PTPRG: variants seen among roughly 807,000 people sequenced by gnomAD.
The protein encoded by PTPRG is receptor-type tyrosine-protein phosphatase gamma.
A neutral mutation model predicts 165.3 loss-of-function variants in PTPRG; 102 were observed. The observed-to-expected ratio is 0.62, with a 90% CI of 0.53 to 0.73. The LOEUF is 0.73. Among genes scored for constraint, PTPRG ranks in the 30% least tolerant of loss-of-function variants. PTPRG has a pLI of 0.00. For synonymous variants in PTPRG, 675 were observed against 669.5 expected, an observed-to-expected ratio of 1.01 and a Z score of -0.13; for missense variants, 1,866 against 1,861.4, an observed-to-expected ratio of 1.00 and a Z score of -0.05.
At chr3:62,189,211 C>T (rs959269023) in intron 8 of PTPRG, among the ~76,000 whole-genome samples, 2 of 152,066 alleles carry the variant, frequency 1.3e-5, no homozygotes, top group African/African-American at 2.4e-5. Flanking sequence ...CCCTTCCTTC[C>T]GTTTCTGTCG....
chr3:61,806,758 C>G (rs2035430993), intron 2 of PTPRG, among the ~76,000 whole-genome samples: 1 of 152,088 alleles, frequency 6.6e-6, no homozygotes, highest in African/African-American at 2.4e-5. Context: ...AAGAGTTTTG[C>G]CTATTAGAAG....
chr3:61,911,321 A>G (rs1220959681), intron 2 of PTPRG, among the ~76,000 whole-genome samples: 1 of 152,226 alleles, frequency 6.6e-6, no homozygotes, highest in Non-Finnish European at 1.5e-5. Flanking sequence ...CACCAGAGAC[A>G]TAGAAGTCCA....
chr3:61,816,992 T>TA (rs1427348463), intron 2 of PTPRG, among the ~76,000 whole-genome samples: 6 of 129,294 alleles, frequency 4.6e-5, no homozygotes, highest in Non-Finnish European at 9.4e-5. Context: ...ATATTATATA[T>TA]ATATTATATA....
At chr3:62,170,714 A>G (rs1356275850) in intron 8 of PTPRG, among the ~76,000 whole-genome samples, 1 of 152,170 alleles carries the variant, frequency 6.6e-6, no homozygotes, top group Non-Finnish European at 1.5e-5. Context: ...TGGGAATATT[A>G]AAATGTTTTC....
chr3:61,757,995 C>G (rs762275344), intron 2 of PTPRG, among the ~76,000 whole-genome samples: 2 of 152,206 alleles, frequency 1.3e-5, no homozygotes, highest in Non-Finnish European at 2.9e-5. Context: ...GTTTTCCTTT[C>G]TAACCTAACA....
chr3:61,595,368 T>A (rs1031575438), intron 1 of PTPRG, among the ~76,000 whole-genome samples: 1 of 152,196 alleles, frequency 6.6e-6, no homozygotes, highest in Non-Finnish European at 1.5e-5. Flanking sequence ...TTGACTGAAG[T>A]AAGACTCTGG....
chr3:61,687,592 A>G (rs1330675842), intron 1 of PTPRG, among the ~76,000 whole-genome samples: 2 of 152,220 alleles, frequency 1.3e-5, no homozygotes, highest in Non-Finnish European at 2.9e-5. Flanking sequence ...CAAAAAAAGG[A>G]GTTTTTAAAT....
intron 5 of PTPRG, among the ~76,000 whole-genome samples, chr3:62,098,737 T>A (rs902080588): frequency 2.0e-5 from 3 of 152,196 alleles, no homozygotes; most frequent in Non-Finnish European, 4.4e-5. Flanking sequence ...AGTGGACAGG[T>A]TCTGTGAATA....
intron 2 of PTPRG, among the ~76,000 whole-genome samples, chr3:61,880,410 A>G (rs915560668): frequency 7.9e-5 from 12 of 152,188 alleles, no homozygotes; most frequent in African/African-American, 2.9e-4. Flanking sequence ...GCTTGAGCTC[A>G]GGAGTTTGAG....
intron 2 of PTPRG, among the ~76,000 whole-genome samples, chr3:61,887,340 C>T (rs555357623): frequency 9.0e-4 from 137 of 151,870 alleles, no homozygotes; most frequent in African/African-American, 3.2e-3. Context: ...TAAACCAGTT[C>T]TAACAAGAGC....
At chr3:62,196,659 C>A (rs1199353529) in intron 10 of PTPRG, among the ~76,000 whole-genome samples, 1 of 152,152 alleles carries the variant, frequency 6.6e-6, no homozygotes, top group Non-Finnish European at 1.5e-5. Flanking sequence ...GTGCTGGACT[C>A]TGCTCTGCCA....
intron 2 of PTPRG, among the ~76,000 whole-genome samples, chr3:61,936,415 A>G (rs768794247): frequency 3.3e-5 from 5 of 152,172 alleles, no homozygotes; most frequent in Non-Finnish European, 5.9e-5. Context: ...GCTCTACTGT[A>G]TTTATTTGTG....
At chr3:61,970,505 T>A (rs2040359382) in intron 2 of PTPRG, among the ~76,000 whole-genome samples, 1 of 152,222 alleles carries the variant, frequency 6.6e-6, no homozygotes, top group Non-Finnish European at 1.5e-5. Context: ...TTGACAAATA[T>A]TCAATATGTG....
intron 1 of PTPRG, among the ~76,000 whole-genome samples, chr3:61,598,083 G>C (rs1380709400): frequency 2.0e-5 from 3 of 152,116 alleles, no homozygotes; most frequent in Non-Finnish European, 4.4e-5. Flanking sequence ...GGCTACCTCT[G>C]TTCAGGGTTG....
Position 61,887,228 on chromosome 3 carries a change from G to A in PTPRG, c.191-102397G>A, listed in dbSNP as rs150448856. Among the ~76,000 whole-genome samples, 1,176 of 143,050 alleles carry A rather than the reference G, an allele frequency of 8.2e-3. 11 individuals carry two copies. Among genetic ancestry groups the A allele is most frequent in the South Asian group, 0.023 (102 of 4,376 alleles). 93.8% of individuals were successfully genotyped at this position (143,050 alleles called of 152,430 possible). On this transcript the variant is annotated intron_variant, in intron 2 of 29. Transcript: ENST00000474889. ...CCTGGTAAGACAATTTCAGCCCTTG[G>A]TGAGGAGAGAAGGAAAGTTGAAAAA...
chr3:61,786,899 G>A (rs369374340), intron 2 of PTPRG, among the ~76,000 whole-genome samples: 1 of 152,264 alleles, frequency 6.6e-6, no homozygotes, highest in South Asian at 2.1e-4. Flanking sequence ...AGAGAAAATA[G>A]ATGTCTTTTG....
chr3:61,767,021 A>G (rs1328426090), intron 2 of PTPRG, among the ~76,000 whole-genome samples: 3 of 151,894 alleles, frequency 2.0e-5, no homozygotes, highest in Non-Finnish European at 4.4e-5. Flanking sequence ...AGGCAGGCAG[A>G]TGACTTGAGG....
intron 2 of PTPRG, among the ~76,000 whole-genome samples, chr3:61,859,360 G>A (rs953518520): frequency 6.6e-6 from 1 of 152,020 alleles, no homozygotes; most frequent in African/African-American, 2.4e-5. Flanking sequence ...TTAATGTCAC[G>A]GTGTTAGTAA....
At chr3:61,799,960 G>C (rs553065444) in intron 2 of PTPRG, among the ~76,000 whole-genome samples, 1 of 152,182 alleles carries the variant, frequency 6.6e-6, no homozygotes, top group South Asian at 2.1e-4. Context: ...AGACTAGGGT[G>C]GGTGTGAATT....
Sources: gnomAD v4.1 joint callset for allele counts (sites outside exome capture counted in the v4.1 genomes callset) on GRCh38, gnomAD v4.1.1 for gene constraint, MANE v1.5 for transcripts, NCBI Gene and HGNC (gene_info 2026-07-23, HGNC 2026-07-21) for gene names.